The following TTC7B variants were observed in gnomAD, a reference collection of about 807,000 sequenced individuals.
TTC7B encodes tetratricopeptide repeat domain 7B, also known as tetratricopeptide repeat protein 7B.
TTC7B carries 28 observed loss-of-function variants against 106.8 expected under a neutral mutation model. That is an observed-to-expected ratio of 0.26 (90% CI 0.19 to 0.36). The LOEUF is 0.36. Among genes scored for constraint, TTC7B ranks in the 10% least tolerant of loss-of-function variants. TTC7B has a pLI of 1.00. For missense variants in TTC7B, 862 were observed against 1,076.4 expected (o/e 0.80, Z 2.79); for synonymous variants, 405 against 430.6 (o/e 0.94, Z 0.74).
At chr14:90,646,830 T>C (rs1205531522) in intron 14 of TTC7B, 121 bp downstream of exon 14, 1 of 938,468 alleles carries the variant, frequency 1.1e-6, no homozygotes, top group East Asian at 2.4e-5. Flanking sequence ...GAAGGGTTCC[T>C]GGCTCCAGGT....
intron 15 of TTC7B, among the ~76,000 whole-genome samples, chr14:90,625,921 A>C (rs1884418824): frequency 6.6e-6 from 1 of 152,206 alleles, no homozygotes; most frequent in Non-Finnish European, 1.5e-5. Flanking sequence ...AAAGCTGGAA[A>C]AGGCCTTGAG....
At chr14:90,695,653 G>A in intron 5 of TTC7B, 75 bp from the exon 6 acceptor site, 1 of 926,794 alleles carries the variant, frequency 1.1e-6, no homozygotes, top group South Asian at 1.9e-5. Flanking sequence ...ACGTTTCAAT[G>A]CATTTTGTCT....
At chr14:90,626,223 C>T (rs982580021) in intron 15 of TTC7B, among the ~76,000 whole-genome samples, 2 of 152,192 alleles carry the variant, frequency 1.3e-5, no homozygotes, top group Non-Finnish European at 2.9e-5. Context: ...ATTCTGTGCT[C>T]ATTTCATTCC....
intron 1 of TTC7B, among the ~76,000 whole-genome samples, chr14:90,797,944 G>A (rs1658254174): frequency 6.6e-6 from 1 of 152,168 alleles, no homozygotes; most frequent in Non-Finnish European, 1.5e-5. Context: ...TGTACGAAAG[G>A]CCATGTCTTC....
intron 1 of TTC7B, among the ~76,000 whole-genome samples, chr14:90,813,628 C>G (rs1020784140): frequency 6.7e-6 from 1 of 150,366 alleles, no homozygotes; most frequent in Non-Finnish European, 1.5e-5. Flanking sequence ...TGGCCAAGGT[C>G]ACAAGAATCA....
At chr14:90,725,489 A>G (rs77384705) in intron 5 of TTC7B, among the ~76,000 whole-genome samples, 1 of 152,232 alleles carries the variant, frequency 6.6e-6, no homozygotes, top group African/African-American at 2.4e-5. Flanking sequence ...AAGAGATTAT[A>G]TGGGAAGATT....
intron 3 of TTC7B, among the ~76,000 whole-genome samples, chr14:90,774,807 A>C (rs952918041): frequency 6.6e-6 from 1 of 152,230 alleles, no homozygotes; most frequent in Non-Finnish European, 1.5e-5. Flanking sequence ...TGGGAGGCCG[A>C]GGCGGGTGGA....
At chr14:90,622,943 C>T (rs1884274960) in intron 15 of TTC7B, among the ~76,000 whole-genome samples, 2 of 152,060 alleles carry the variant, frequency 1.3e-5, no homozygotes, top group Non-Finnish European at 2.9e-5. Context: ...TCACCTACGC[C>T]CCCACTCGAG....
chr14:90,603,179 A>G (rs1892501596), intron 17 of TTC7B: 1 of 1,049,432 alleles, frequency 9.5e-7, no homozygotes, highest in South Asian at 1.3e-5. Flanking sequence ...AACAACCACA[A>G]TGCACATTCC....
chr14:90,782,847 C>T (rs1033467495), intron 2 of TTC7B, among the ~76,000 whole-genome samples: 4 of 151,646 alleles, frequency 2.6e-5, no homozygotes, highest in African/African-American at 7.3e-5. Context: ...AGGGTGGTGA[C>T]GGCTGAGTGA....
intron 15 of TTC7B, among the ~76,000 whole-genome samples, chr14:90,640,251 G>A (rs960330453): frequency 2.0e-5 from 3 of 151,108 alleles, no homozygotes; most frequent in African/African-American, 7.3e-5. Flanking sequence ...CAGCCTGGGT[G>A]ACAGAGTGAG....
chr14:90,696,643 C>T (rs1216039267), intron 5 of TTC7B, among the ~76,000 whole-genome samples: 1 of 152,152 alleles, frequency 6.6e-6, no homozygotes, highest in Admixed American at 6.5e-5. Flanking sequence ...GCATCTTATA[C>T]CTACATGACA....
chr14:90,659,942 C>T (rs1350720828), intron 9 of TTC7B, among the ~76,000 whole-genome samples: 1 of 152,118 alleles, frequency 6.6e-6, no homozygotes, highest in Non-Finnish European at 1.5e-5. Context: ...TGTATCCCTG[C>T]TGAGAGGCCT....
chr14:90,693,453 G>A (rs952031021), intron 6 of TTC7B, among the ~76,000 whole-genome samples: 3 of 152,082 alleles, frequency 2.0e-5, no homozygotes, highest in Non-Finnish European at 2.9e-5. Context: ...AGCAGCCCTC[G>A]GGATCCAATC....
At chr14:90,772,125 G>A (rs1890886551) in intron 3 of TTC7B, among the ~76,000 whole-genome samples, 1 of 151,798 alleles carries the variant, frequency 6.6e-6, no homozygotes, top group Non-Finnish European at 1.5e-5. Flanking sequence ...TGGCTGGAAT[G>A]GGAGGAGGCT....
At chr14:90,766,599 G>C (rs1015604733) in intron 3 of TTC7B, 3 of 883,538 alleles carry the variant, frequency 3.4e-6, no homozygotes. Flanking sequence ...TCGATGGGCA[G>C]TGGAAAACAG....
rs548123421 is a variant in TTC7B at position 90,676,505 on chromosome 14, C to T, written c.1152+18G>A. The T allele has an allele frequency of 9.3e-6, 15 of 1,612,234 alleles. No individual in the cohort carries two copies. In the African/African-American group the frequency reaches 1.9e-4, roughly 20 times the overall value. On this transcript the variant is annotated intron_variant, in intron 9 of 19. Transcript: ENST00000328459. ...TGCCACCCACCACCTGGATGTCAAC[C>T]AGACTCAGCAGCTGTACCTCTGACA...
rs79789382 is a variant in TTC7B at position 90,672,942 on chromosome 14, C to T, written c.1152+3581G>A. Among the ~76,000 whole-genome samples the T allele has an allele frequency of 6.7e-3, 1,022 of 152,262 alleles. 11 individuals carry two copies. Among genetic ancestry groups the T allele is most frequent in the African/African-American group, 0.023 (966 of 41,524 alleles). On this transcript the variant is annotated intron_variant, in intron 9 of 19. Transcript: ENST00000328459. ...CTCCCAACTGTCTGAGATATACATG[C>T]ACACAATTATTACCCCTATTTAACA...
chr14:90,583,293 C>T (rs1457371504), intron 18 of TTC7B, among the ~76,000 whole-genome samples: 1 of 152,220 alleles, frequency 6.6e-6, no homozygotes, highest in Non-Finnish European at 1.5e-5. Context: ...AGAGGATCTA[C>T]AGGCTGGTCC....
Sources: gnomAD v4.1 joint callset for allele counts (sites outside exome capture counted in the v4.1 genomes callset) on GRCh38, gnomAD v4.1.1 for gene constraint, MANE v1.5 for transcripts, NCBI Gene and HGNC (gene_info 2026-07-23, HGNC 2026-07-21) for gene names.